The following MCC variants were observed in gnomAD, a reference collection of about 807,000 sequenced individuals.
The protein encoded by MCC is MCC regulator of Wnt signaling pathway.
Under a neutral mutation model 116.2 loss-of-function variants are expected in MCC, and 90 were observed. That is an observed-to-expected ratio of 0.77 (90% confidence interval 0.65 to 0.92). The LOEUF is 0.92. Among genes scored for constraint, MCC ranks in the 40% least tolerant of loss-of-function variants. The probability of loss-of-function intolerance (pLI) is 0.00; values close to 1 mark genes in which losing one functional copy is unlikely to be tolerated. For missense variants in MCC, 1,516 were observed against 1,312.2 expected, an observed-to-expected ratio of 1.16 and a Z score of -2.40; for synonymous variants, 578 against 510.5, an observed-to-expected ratio of 1.13 and a Z score of -1.78.
chr5:113,385,410 A>C (rs1384945248), intron 1 of MCC, among the ~76,000 whole-genome samples, 198 bp from the exon 2 acceptor site: 1 of 152,206 alleles, frequency 6.6e-6, no homozygotes, highest in Non-Finnish European at 1.5e-5. Flanking sequence ...CAAAAACTCT[A>C]TTATTTGGAA....
chr5:113,045,581 C>T (rs1752016056), intron 16 of MCC, among the ~76,000 whole-genome samples: 1 of 152,148 alleles, frequency 6.6e-6, no homozygotes, highest in South Asian at 2.1e-4. Flanking sequence ...AGGTAGATCA[C>T]TTGATGTCAG....
chr5:113,116,742 T>C (rs937087588), intron 6 of MCC, among the ~76,000 whole-genome samples: 4 of 152,228 alleles, frequency 2.6e-5, no homozygotes, highest in Admixed American at 6.5e-5. Flanking sequence ...AGGAAGATTC[T>C]GGAATGACTT....
intron 3 of MCC, among the ~76,000 whole-genome samples, chr5:113,249,599 T>C (rs896229187): frequency 6.6e-6 from 1 of 152,168 alleles, no homozygotes; most frequent in African/African-American, 2.4e-5. Flanking sequence ...TTCTCTCCTT[T>C]CCTCTTGGCT....
At chr5:113,340,373 A>G (rs972743145) in intron 3 of MCC, 146 bp downstream of exon 3, 5 of 738,116 alleles carry the variant, frequency 6.8e-6, no homozygotes, top group Non-Finnish European at 8.8e-6. Context: ...AACACTAAAC[A>G]TTACTGGCAA....
intron 16 of MCC, 78 bp from the exon 17 acceptor site, chr5:113,043,708 AG>A: frequency 9.7e-7 from 1 of 1,026,306 alleles, no homozygotes; most frequent in Non-Finnish European, 1.5e-6. Flanking sequence ...AGAGCGCGGT[AG>A]GTGGCTCGTG....
intron 1 of MCC, among the ~76,000 whole-genome samples, chr5:113,455,336 C>T (rs1771513265): frequency 6.6e-6 from 1 of 152,206 alleles, no homozygotes; most frequent in Non-Finnish European, 1.5e-5. Flanking sequence ...TAGAGTAGGG[C>T]TCCCTGAAGA....
intron 14 of MCC, among the ~76,000 whole-genome samples, chr5:113,063,597 CAG>C (rs1753372388): frequency 6.6e-6 from 1 of 152,164 alleles, no homozygotes; most frequent in Non-Finnish European, 1.5e-5. Flanking sequence ...GCCTTGGGAC[CAG>C]AGGGACCATT....
At chr5:113,380,894 A>G (rs1175059350) in intron 2 of MCC, among the ~76,000 whole-genome samples, 3 of 152,220 alleles carry the variant, frequency 2.0e-5, no homozygotes, top group Non-Finnish European at 4.4e-5. Context: ...AAGTCAGGGG[A>G]GCAAGATGAG....
chr5:113,415,354 A>C (rs1369828071), intron 1 of MCC, among the ~76,000 whole-genome samples: 1 of 152,144 alleles, frequency 6.6e-6, no homozygotes, highest in African/African-American at 2.4e-5. Context: ...TAATATCCTG[A>C]AGAATGTTTT....
chr5:113,252,383 A>G (rs892120593), intron 3 of MCC, among the ~76,000 whole-genome samples: 16 of 152,168 alleles, frequency 1.1e-4, no homozygotes, highest in African/African-American at 3.1e-4. Flanking sequence ...CAGTGGTGGC[A>G]TTGCATTAGA....
intron 1 of MCC, among the ~76,000 whole-genome samples, chr5:113,388,252 T>G (rs1405217141): frequency 6.6e-6 from 1 of 152,212 alleles, no homozygotes; most frequent in Non-Finnish European, 1.5e-5. Flanking sequence ...TTAAGTCAAA[T>G]TGTAAGTTTT....
intron 3 of MCC, among the ~76,000 whole-genome samples, chr5:113,218,622 T>C (rs1435748683): frequency 1.3e-5 from 2 of 152,186 alleles, no homozygotes; most frequent in Non-Finnish European, 2.9e-5. Flanking sequence ...AGTTAAAAAA[T>C]GTTAAACAAG....
At chr5:113,441,068 C>T (rs1199594539) in intron 1 of MCC, among the ~76,000 whole-genome samples, 1 of 152,206 alleles carries the variant, frequency 6.6e-6, no homozygotes, top group Non-Finnish European at 1.5e-5. Flanking sequence ...GGTGTGGTGG[C>T]TCACGCCTGT....
chr5:113,235,025 C>A (rs1308676573), intron 3 of MCC, among the ~76,000 whole-genome samples: 1 of 152,176 alleles, frequency 6.6e-6, no homozygotes, highest in Non-Finnish European at 1.5e-5. Context: ...AGTGATGCTC[C>A]TAAAATGTTC....
intron 17 of MCC, among the ~76,000 whole-genome samples, chr5:113,029,933 T>G (rs1305147126): frequency 6.6e-6 from 1 of 152,238 alleles, no homozygotes; most frequent in Non-Finnish European, 1.5e-5. Context: ...GCAAGGACTT[T>G]ACTTGGTTTG....
intron 18 of MCC, among the ~76,000 whole-genome samples, chr5:113,027,763 G>T (rs1750662696): frequency 6.6e-6 from 1 of 152,104 alleles, no homozygotes; most frequent in South Asian, 2.1e-4. Context: ...AGTCAAACCA[G>T]CAATCCAAAT....
intron 6 of MCC, among the ~76,000 whole-genome samples, chr5:113,117,091 T>A (rs2150266184): frequency 6.6e-6 from 1 of 152,340 alleles, no homozygotes; most frequent in Middle Eastern, 3.4e-3. Context: ...AAGTGAGTAT[T>A]CTCCAGACAG....
At chr5:113,269,502 TTAA>T (rs1460774208) in intron 3 of MCC, among the ~76,000 whole-genome samples, 5 of 152,176 alleles carry the variant, frequency 3.3e-5, no homozygotes, top group Non-Finnish European at 4.4e-5. Flanking sequence ...CTAAATCTGA[TTAA>T]TGTTATTCAG....
chr5:113,200,599 C>G (rs980719768), intron 3 of MCC, among the ~76,000 whole-genome samples: 2 of 152,230 alleles, frequency 1.3e-5, no homozygotes, highest in African/African-American at 4.8e-5. Context: ...CAGGTCTGCA[C>G]AGCAGACTGA....
Sources: allele counts gnomAD v4.1 joint callset (sites outside exome capture counted in the v4.1 genomes callset), GRCh38; gene constraint gnomAD v4.1.1; transcripts MANE v1.5; gene names NCBI Gene and HGNC (gene_info 2026-07-23, HGNC 2026-07-21).